Variants in ANKMY2 observed in about 807,000 individuals in gnomAD.
The protein encoded by ANKMY2 is ankyrin repeat and MYND domain containing 2.
In ANKMY2, 36 loss-of-function variants were observed where a neutral mutation model predicts 50.4. That is an observed-to-expected ratio of 0.71 (90% CI 0.55 to 0.94). The LOEUF (loss-of-function observed/expected upper bound fraction) is 0.94. ANKMY2 is among the 40% of genes least tolerant of loss of function. The pLI is 0.00. For missense variants in ANKMY2, 565 were observed against 524.0 expected (o/e 1.08, Z -0.76); for synonymous variants, 187 against 178.8 (o/e 1.05, Z -0.36).
intron 4 of ANKMY2, 50 bp from the exon 5 acceptor site, chr7:16,615,954 C>T (rs747222953): frequency 2.6e-6 from 4 of 1,514,042 alleles, no homozygotes; most frequent in Non-Finnish European, 3.6e-6. Flanking sequence ...AAAAATAACA[C>T]ATCTGGTTTT....
intron 8 of ANKMY2, chr7:16,603,499 TGCAAGTAGGG>T: frequency 2.7e-6 from 1 of 368,370 alleles, no homozygotes; most frequent in Non-Finnish European, 5.7e-6. Context: ...CTTATATTTT[TGCAAGTAGGG>T]GTGGAAAGGA....
intron 4 of ANKMY2, among the ~76,000 whole-genome samples, chr7:16,622,778 A>G (rs57487844): frequency 2.4e-5 from 2 of 84,394 alleles, no homozygotes; most frequent in Non-Finnish European, 6.3e-5. Context: ...ATAAATAAAT[A>G]AATAAATAAA....
chr7:16,613,576 A>G (rs1781292244), intron 5 of ANKMY2, among the ~76,000 whole-genome samples: 1 of 152,208 alleles, frequency 6.6e-6, no homozygotes, highest in African/African-American at 2.4e-5. Flanking sequence ...AGTCTATTTC[A>G]GACTATATAC....
chr7:16,630,763 G>A (rs1444476189), intron 2 of ANKMY2, among the ~76,000 whole-genome samples: 1 of 152,138 alleles, frequency 6.6e-6, no homozygotes, highest in Non-Finnish European at 1.5e-5. Context: ...AGTGCCAGAG[G>A]GAAAGAGAAG....
Position 16,634,490 on chromosome 7 carries a change from C to A in ANKMY2, c.132+1901G>T, listed in dbSNP as rs73310801. 2.0e-3 allele frequency among the ~76,000 whole-genome samples: 299 copies of A among 152,112 alleles called. 2 individuals are homozygous for A. The highest frequency in any genetic ancestry group is 7.0e-3 in the African/African-American group (289 of 41,482). On this transcript the variant is annotated intron_variant, in intron 2 of 9. Transcript: ENST00000306999. ...AGGGTCACCAAGTTGGCTTAAGTTCCCAGGAAGAGTAAAAGAGAGAAGAGA... is the reference window on the plus strand; with the variant it reads ...AGGGTCACCAAGTTGGCTTAAGTTCACAGGAAGAGTAAAAGAGAGAAGAGA...
rs1781016993 is a variant in ANKMY2 at position 16,600,130 on chromosome 7, C to T, written c.*631G>A. The T allele has an allele frequency of 2.0e-5, 3 of 152,294 alleles. No homozygotes were observed. The highest frequency in any genetic ancestry group is 2.0e-4 in the Admixed American group (3 of 15,284). The allele number at this position is 152,294 out of a possible 1,614,324, so 9.4% of individuals were successfully genotyped here. ...TATGCCTTTGTTCCTGCTGAGGGAT[C>T]TGCCATTCTGGAGGTACAAATACTG... On this transcript the variant is annotated 3_prime_UTR_variant, in exon 10 of 10. Coordinates refer to ENST00000306999, the MANE Select transcript of ANKMY2 (RefSeq NM_020319.3).
chr7:16,603,264 AG>A (rs1173131488), intron 8 of ANKMY2, among the ~76,000 whole-genome samples: 3 of 152,216 alleles, frequency 2.0e-5, no homozygotes, highest in African/African-American at 7.2e-5. Context: ...ATATGGAAGA[AG>A]GGAGAGAGGC....
chr7:16,600,981 C>T, intron 9 of ANKMY2, 36 bp from the exon 10 acceptor site: 3 of 1,526,210 alleles, frequency 2.0e-6, no homozygotes, highest in Non-Finnish European at 2.7e-6. Flanking sequence ...TTGTTCCTAC[C>T]ATGTGTCAGA....
chr7:16,644,622 G>C (rs3807505), intron 1 of ANKMY2: 187,746 of 449,998 alleles, frequency 0.42, 41,671 homozygotes, highest in African/African-American at 0.68. Context: ...GCCCGGAGTC[G>C]CACGCATCAC....
chr7:16,621,918 G>A (rs1404365002), intron 4 of ANKMY2, among the ~76,000 whole-genome samples: 1 of 151,832 alleles, frequency 6.6e-6, no homozygotes, highest in African/African-American at 2.4e-5. Flanking sequence ...GCAGTGAGCC[G>A]AGATTATGCC....
At chr7:16,602,591 C>A in intron 8 of ANKMY2, 82 bp from the exon 9 acceptor site, 1 of 1,479,250 alleles carries the variant, frequency 6.8e-7, no homozygotes, top group South Asian at 1.3e-5. Context: ...AAGAACTAAG[C>A]TATAAAAATG....
At chr7:16,642,696 C>A (rs182034993) in intron 1 of ANKMY2, among the ~76,000 whole-genome samples, 98 of 151,470 alleles carry the variant, frequency 6.5e-4, no homozygotes, top group Middle Eastern at 3.4e-3. Context: ...AAAAATGCCT[C>A]TTTTTGGCAC....
intron 1 of ANKMY2, among the ~76,000 whole-genome samples, chr7:16,642,416 A>AG (rs1352898813): frequency 6.6e-6 from 1 of 152,190 alleles, no homozygotes; most frequent in East Asian, 1.9e-4. Flanking sequence ...GGTATGTTGG[A>AG]AACAGATTTT....
intron 1 of ANKMY2, chr7:16,644,919 T>C (rs1781807918): frequency 2.9e-6 from 1 of 343,030 alleles, no homozygotes; most frequent in African/African-American, 2.2e-5. Context: ...TCCTTGTCTC[T>C]CTAGGGTTCC....
chr7:16,615,068 T>G (rs1048690702), intron 5 of ANKMY2, among the ~76,000 whole-genome samples: 3 of 152,236 alleles, frequency 2.0e-5, no homozygotes, highest in Non-Finnish European at 2.9e-5. Context: ...GTTTCCCAGT[T>G]AAGCCATTTG....
chr7:16,638,121 C>A (rs889247067), intron 1 of ANKMY2, among the ~76,000 whole-genome samples: 1 of 152,250 alleles, frequency 6.6e-6, no homozygotes, highest in South Asian at 2.1e-4. Flanking sequence ...ACTTCTGACA[C>A]CAGATATATG....
intron 8 of ANKMY2, among the ~76,000 whole-genome samples, chr7:16,603,153 A>T (rs1477220065): frequency 6.6e-6 from 1 of 152,254 alleles, no homozygotes; most frequent in Non-Finnish European, 1.5e-5. Context: ...AGACTTTAGC[A>T]AATAGCTTAT....
intron 5 of ANKMY2, among the ~76,000 whole-genome samples, chr7:16,613,606 CA>C (rs1035239398): frequency 2.6e-5 from 4 of 152,084 alleles, no homozygotes; most frequent in African/African-American, 9.7e-5. Context: ...TTATTGTCTG[CA>C]TAATTATGCC....
chr7:16,635,367 G>C (rs187186184), intron 2 of ANKMY2, among the ~76,000 whole-genome samples: 223 of 152,204 alleles, frequency 1.5e-3, no homozygotes, highest in Non-Finnish European at 2.1e-3. Context: ...GGGCAGGAAG[G>C]AGAGATTACA....
Sources: gnomAD v4.1 joint callset for allele counts (sites outside exome capture counted in the v4.1 genomes callset) on GRCh38, gnomAD v4.1.1 for gene constraint, MANE v1.5 for transcripts, NCBI Gene and HGNC (gene_info 2026-07-23, HGNC 2026-07-21) for gene names.